GPCPD1: variants seen among roughly 807,000 people sequenced by gnomAD.
The protein encoded by GPCPD1 is glycerophosphocholine phosphodiesterase 1, also known as glycerophosphocholine phosphodiesterase GPCPD1.
Under a neutral mutation model 89.2 loss-of-function variants are expected in GPCPD1, and 29 were observed. The observed-to-expected ratio is 0.33, with a 90% CI of 0.24 to 0.44. GPCPD1 has a LOEUF of 0.44. Among genes scored for constraint, GPCPD1 ranks in the 20% least tolerant of loss-of-function variants. The pLI, the probability that GPCPD1 is intolerant of heterozygous loss-of-function variation, is 1.00. For synonymous variants in GPCPD1, 258 were observed against 266.3 expected, an observed-to-expected ratio of 0.97 and a Z score of 0.30; for missense variants, 594 against 808.9, an observed-to-expected ratio of 0.73 and a Z score of 3.22.
At chr20:5,607,220 G>A (rs997507357) in intron 1 of GPCPD1, among the ~76,000 whole-genome samples, 2 of 152,122 alleles carry the variant, frequency 1.3e-5, no homozygotes, top group African/African-American at 4.8e-5. Flanking sequence ...CTGGGAGGCA[G>A]AAGTTGCAGT....
At chr20:5,604,468 A>G in intron 1 of GPCPD1, 28 bp from the exon 2 acceptor site, 2 of 1,100,278 alleles carry the variant, frequency 1.8e-6, no homozygotes, top group East Asian at 4.7e-5. Context: ...AGTAACTTAT[A>G]GTATAAAAAT....
intron 1 of GPCPD1, 80 bp from the exon 2 acceptor site, chr20:5,604,520 A>G: frequency 1.7e-6 from 1 of 577,292 alleles, no homozygotes; most frequent in Admixed American, 3.6e-5. Flanking sequence ...ACTTCAACCA[A>G]GAGCTATTTA....
At chr20:5,596,795 C>T (rs775670396) in intron 3 of GPCPD1, among the ~76,000 whole-genome samples, 9 of 152,178 alleles carry the variant, frequency 5.9e-5, no homozygotes, top group Non-Finnish European at 8.8e-5. Flanking sequence ...TTAAAACTCA[C>T]GAATATTGTC....
Position 5,544,704 on chromosome 20 carries a change from T to C in GPCPD1, c.*2957A>G, listed in dbSNP as rs1235156884. Reference sequence around the variant, plus strand: ...AGTATATCAGTTAACCTCTCTGGGTTTTTTCCCAGCTACAACATTAAATAG... The same window carrying C: ...AGTATATCAGTTAACCTCTCTGGGTCTTTTCCCAGCTACAACATTAAATAG... On this transcript the variant is annotated 3_prime_UTR_variant, in exon 20 of 20. Transcript: ENST00000379019. 1 of 152,170 alleles carries C rather than the reference T, an allele frequency of 6.6e-6. No individual in the cohort carries two copies. The highest frequency in any genetic ancestry group is 6.5e-5 in the Admixed American group (1 of 15,268). The allele number at this position is 152,170 out of a possible 1,614,324, so 9.4% of individuals were successfully genotyped here.
At chr20:5,593,219 C>T in intron 4 of GPCPD1, 108 bp downstream of exon 4, 2 of 634,574 alleles carry the variant, frequency 3.2e-6, no homozygotes, top group South Asian at 1.9e-5. Context: ...AGTTCTATTC[C>T]TTATTTGACC....
In GPCPD1 at chr20:5,547,801, A is replaced by G; in HGVS notation, c.1879T>C (p.Leu627=). The change falls in exon 20 of 20, where the codon TTG becomes CTG. Residue 627 remains leucine (L), a synonymous_variant. Coordinates refer to ENST00000379019, the MANE Select transcript of GPCPD1 (RefSeq NM_019593.5). The part of the protein sequence containing the change: ...EQPNIFQVEQ[L]ERLKQELPEL... ...GGCAATTCCTGCTTCAGGCGTTCCA[A>G]TTGCTCCACTTGGAATATATTTGGT... The G allele has an allele frequency of 2.5e-6, 4 of 1,610,720 alleles. No individual in the cohort carries two copies. The highest frequency in any genetic ancestry group is 3.4e-6 in the Non-Finnish European group (4 of 1,177,322).
chr20:5,575,777 ACTT>A (rs1978287275), intron 9 of GPCPD1, 36 bp downstream of exon 9: 1 of 1,379,354 alleles, frequency 7.2e-7, no homozygotes, highest in African/African-American at 1.4e-5. Context: ...TAAAATTCTA[ACTT>A]AACCTTGGGT....
At chr20:5,590,200 T>C (rs2122739723) in intron 4 of GPCPD1, among the ~76,000 whole-genome samples, 1 of 152,292 alleles carries the variant, frequency 6.6e-6, no homozygotes, top group African/African-American at 2.4e-5. Context: ...TTTTACTGAT[T>C]GTTTTTCTTC....
intron 2 of GPCPD1, among the ~76,000 whole-genome samples, chr20:5,602,929 G>C (rs1364885972): frequency 6.6e-6 from 1 of 150,552 alleles, no homozygotes. Flanking sequence ...GTTGCAGTGA[G>C]CCGAGATCGC....
chr20:5,560,108 T>C (rs1986005252), intron 16 of GPCPD1, 32 bp from the exon 17 acceptor site: 1 of 1,476,990 alleles, frequency 6.8e-7, no homozygotes, highest in African/African-American at 1.4e-5. Context: ...TAAAAGTCAC[T>C]GCACATCCTA....
At chr20:5,604,732 G>T (rs921780583) in intron 1 of GPCPD1, among the ~76,000 whole-genome samples, 4 of 149,680 alleles carry the variant, frequency 2.7e-5, no homozygotes, top group African/African-American at 9.8e-5. Context: ...TTGAGCCCAG[G>T]AGTTTGAGAC....
intron 18 of GPCPD1, among the ~76,000 whole-genome samples, 166 bp downstream of exon 18, chr20:5,558,514 ATTGT>A (rs1286378377): frequency 6.6e-6 from 1 of 152,218 alleles, no homozygotes; most frequent in Non-Finnish European, 1.5e-5. Context: ...ACTTAATGTA[ATTGT>A]TTTTCATCCT....
Position 5,598,831 on chromosome 20 carries a change from C to T in GPCPD1, c.50-10G>A, listed in dbSNP as rs781161519. On this transcript the variant is annotated splice_polypyrimidine_tract_variant and intron_variant, in intron 2 of 19. Coordinates refer to ENST00000379019, the MANE Select transcript of GPCPD1 (RefSeq NM_019593.5). The stretch of plus-strand genomic sequence containing the variant: ...ATCGCAAAAACTTCTCCTAAAGAAA[C>T]AGAACAATCAGTCACAGAGAAACAG... 46 of 1,528,080 alleles carry T rather than the reference C, an allele frequency of 3.0e-5. No homozygotes were observed. Among genetic ancestry groups the T allele is most frequent in the Non-Finnish European group, 3.8e-5 (42 of 1,102,350 alleles). 94.7% of individuals were successfully genotyped at this position (1,528,080 alleles called of 1,614,324 possible).
In GPCPD1 at chr20:5,560,047, T is replaced by C. The variant is rs548219179; in HGVS notation, c.1425A>G (p.Thr475=). 1.3e-6 allele frequency: 2 copies of C among 1,581,406 alleles called. No homozygotes were observed. Among genetic ancestry groups the C allele is most frequent in the African/African-American group, 2.7e-5 (2 of 73,280 alleles). Residue 475 remains threonine (T), a synonymous_variant, in exon 17 of 20, where the codon ACA becomes ACG. Coordinates refer to ENST00000379019, the MANE Select transcript of GPCPD1 (RefSeq NM_019593.5). ...CCAAAAACAGATTCATGTCAAAATA[T>C]GTTGATAAGTTACCATCCCACATTC... ...RDGMWDGNLS[T]YFDMNLFLDI...
At chr20:5,578,981 A>T (rs888179309) in intron 7 of GPCPD1, among the ~76,000 whole-genome samples, 1 of 152,202 alleles carries the variant, frequency 6.6e-6, no homozygotes, top group African/African-American at 2.4e-5. Context: ...TGAGCTCAGA[A>T]GTCTGAGACC....
At position 5,573,984 on chromosome 20, in the gene GPCPD1, TAC is replaced by T; in HGVS notation, c.1002-17_1002-16del. Reference sequence around the variant, plus strand: ...CTTTAGCCAGCCTGAAAAGAAGAAATACAGTTAACATAGACTATAGAGAAGAT... The same window carrying T: ...CTTTAGCCAGCCTGAAAAGAAGAAATAGTTAACATAGACTATAGAGAAGAT... On this transcript the variant is annotated splice_polypyrimidine_tract_variant and intron_variant, in intron 10 of 19. Transcript: ENST00000379019. 7.7e-7 allele frequency: 1 copy of T among 1,293,152 alleles called. No individual in the cohort carries two copies. Among genetic ancestry groups the T allele is most frequent in the Non-Finnish European group, 1.1e-6 (1 of 887,518 alleles). The allele number at this position is 1,293,152 out of a possible 1,614,324, so 80.1% of individuals were successfully genotyped here. A position where few individuals can be genotyped will look rare whatever the true frequency, so the allele number is the denominator to read the frequency against.
At chr20:5,575,335 C>T in intron 10 of GPCPD1, 78 bp downstream of exon 10, 1 of 1,009,088 alleles carries the variant, frequency 9.9e-7, no homozygotes, top group Non-Finnish European at 1.5e-6. Flanking sequence ...ATCATTTGAC[C>T]TTTGCTGAGA....
In GPCPD1 at chr20:5,560,011, T is replaced by C; in HGVS notation, c.1461A>G (p.Leu487=). 10 of 1,575,826 alleles carry C rather than the reference T, an allele frequency of 6.3e-6. No individual in the cohort carries two copies. Among genetic ancestry groups the C allele is most frequent in the Non-Finnish European group, 8.7e-6 (10 of 1,152,648 alleles). ...FDMNLFLDII[L]KTVLENSGKR... ...TCCCAGAATTTTCTAAAACAGTTTTTAAAATTATATCCAAAAACAGATTCA... is the reference window on the plus strand; with the variant it reads ...TCCCAGAATTTTCTAAAACAGTTTTCAAAATTATATCCAAAAACAGATTCA... Residue 487 remains leucine (L), a synonymous_variant, in exon 17 of 20, where the codon TTA becomes TTG. Coordinates refer to ENST00000379019, the MANE Select transcript of GPCPD1 (RefSeq NM_019593.5).
intron 3 of GPCPD1, among the ~76,000 whole-genome samples, chr20:5,596,801 T>C (rs1307988210): frequency 6.6e-6 from 1 of 152,186 alleles, no homozygotes; most frequent in Non-Finnish European, 1.5e-5. Flanking sequence ...CTCACGAATA[T>C]TGTCTAAAGG....
Sources: gnomAD v4.1 joint callset for allele counts (sites outside exome capture counted in the v4.1 genomes callset) on GRCh38, gnomAD v4.1.1 for gene constraint, MANE v1.5 for transcripts, NCBI Gene and HGNC (gene_info 2026-07-23, HGNC 2026-07-21) for gene names.